The following NEGR1 variants were observed in gnomAD, a reference collection of about 807,000 sequenced individuals.
The protein encoded by NEGR1 is neuronal growth regulator 1, also known as IgLON family member 4.
NEGR1 carries 10 observed loss-of-function variants against 40.9 expected under a neutral mutation model. That is an observed-to-expected ratio of 0.24 (90% CI 0.15 to 0.42). The LOEUF (loss-of-function observed/expected upper bound fraction) is 0.42. Ranked by LOEUF, NEGR1 falls within the 10% of genes least tolerant of loss-of-function variation. The pLI is 1.00. For synonymous variants in NEGR1, 185 were observed against 166.8 expected (o/e 1.11, Z -0.84); for missense variants, 352 against 438.9 (o/e 0.80, Z 1.77).
intron 3 of NEGR1, among the ~76,000 whole-genome samples, chr1:71,762,522 AC>A (rs1655981485): frequency 6.6e-6 from 1 of 152,132 alleles, no homozygotes; most frequent in Non-Finnish European, 1.5e-5. Context: ...TTTGTTATAA[AC>A]AAAAACTGAA....
intron 3 of NEGR1, among the ~76,000 whole-genome samples, chr1:71,720,859 C>T (rs1654486450): frequency 6.6e-6 from 1 of 152,128 alleles, no homozygotes. Context: ...TCCTTGCTTC[C>T]TGTGGATTCT....
At position 72,250,820 on chromosome 1, in the gene NEGR1, G is replaced by A. The variant is rs147735103; in HGVS notation, c.176+31499C>T. The stretch of plus-strand genomic sequence containing the variant: ...AACCAAGAAGAATGTGATTTTCCCT[G>A]CCAGCAGCAATCCGCAATAGGGCTG... On this transcript the variant is annotated intron_variant, in intron 1 of 6. Coordinates refer to ENST00000357731, the MANE Select transcript of NEGR1 (RefSeq NM_173808.3). Among the ~76,000 whole-genome samples, 479 of 152,258 alleles carry A rather than the reference G, an allele frequency of 3.1e-3. 1 individual carries two copies. The highest frequency in any genetic ancestry group is 5.1e-3 in the Non-Finnish European group (347 of 68,008).
intron 1 of NEGR1, among the ~76,000 whole-genome samples, chr1:72,035,707 C>T (rs1646896280): frequency 6.6e-6 from 1 of 152,130 alleles, no homozygotes; most frequent in East Asian, 1.9e-4. Context: ...ATGAAAATCC[C>T]TATCATGAAT....
chr1:71,956,389 A>G (rs1165673884), intron 1 of NEGR1, among the ~76,000 whole-genome samples: 1 of 152,184 alleles, frequency 6.6e-6, no homozygotes, highest in Non-Finnish European at 1.5e-5. Flanking sequence ...TCAAACCAAG[A>G]GAACAATAAT....
chr1:71,786,453 A>G (rs1656910842), intron 2 of NEGR1, among the ~76,000 whole-genome samples: 2 of 152,166 alleles, frequency 1.3e-5, no homozygotes. Context: ...AGGTAGTTGG[A>G]TAAGTATTCA....
intron 1 of NEGR1, among the ~76,000 whole-genome samples, chr1:71,959,250 C>T (rs549938142): frequency 1.3e-4 from 20 of 152,200 alleles, no homozygotes; most frequent in Admixed American, 4.6e-4. Context: ...AATTCCAGAT[C>T]CTTGGAGACA....
rs961607433 is a variant in NEGR1, at chr1:71,407,247, T to C, written c.*199A>G. 11 of 464,820 alleles carry C rather than the reference T, an allele frequency of 2.4e-5. No homozygotes were observed. Among genetic ancestry groups the C allele is most frequent in the Non-Finnish European group, 3.9e-5 (10 of 255,718 alleles). 28.8% of individuals were successfully genotyped at this position (464,820 alleles called of 1,614,324 possible). On this transcript the variant is annotated 3_prime_UTR_variant, in exon 7 of 7. Transcript: ENST00000357731. ...GTCTTAAAAAAAGGACAATGTGTACTGCTTCACAAGGTAATGTAGCTAATC... is the reference window on the plus strand; with the variant it reads ...GTCTTAAAAAAAGGACAATGTGTACCGCTTCACAAGGTAATGTAGCTAATC...
At chr1:72,211,914 C>T (rs1343079972) in intron 1 of NEGR1, among the ~76,000 whole-genome samples, 2 of 151,638 alleles carry the variant, frequency 1.3e-5, no homozygotes, top group Non-Finnish European at 2.9e-5. Flanking sequence ...GCCTCCTTTA[C>T]AAAGGCTTTT....
At chr1:71,813,884 C>T (rs1658098925) in intron 2 of NEGR1, among the ~76,000 whole-genome samples, 1 of 151,998 alleles carries the variant, frequency 6.6e-6, no homozygotes, top group African/African-American at 2.4e-5. Flanking sequence ...CAAACAGAGA[C>T]CATTTGACTT....
chr1:71,444,113 C>A (rs957596396), intron 6 of NEGR1, among the ~76,000 whole-genome samples: 25 of 152,106 alleles, frequency 1.6e-4, no homozygotes, highest in African/African-American at 5.8e-4. Context: ...AGAGTAACAT[C>A]TTTTTCTATC....
rs17091687 is a variant in NEGR1 at position 71,727,910 on chromosome 1, A to G, written c.536-29771T>C. ...CAGTGGGGTGCGAAGCCTTGTAAGT[A>G]TGAAAAGTTAGGAAGCAACTGGAGA... On this transcript the variant is annotated intron_variant, in intron 3 of 6. Transcript: ENST00000357731. 7.5e-3 allele frequency among the ~76,000 whole-genome samples: 1,142 copies of G among 152,262 alleles called. 10 individuals are homozygous for G. Among genetic ancestry groups the G allele is most frequent in the African/African-American group, 0.026 (1,086 of 41,558 alleles).
chr1:71,424,587 C>T (rs1184180031), intron 6 of NEGR1, among the ~76,000 whole-genome samples: 2 of 152,070 alleles, frequency 1.3e-5, no homozygotes, highest in African/African-American at 4.8e-5. Flanking sequence ...GTGGGCCTAC[C>T]CCAGTTACAT....
intron 1 of NEGR1, among the ~76,000 whole-genome samples, chr1:71,967,556 G>C (rs1646220342): frequency 6.6e-6 from 1 of 152,060 alleles, no homozygotes; most frequent in South Asian, 2.1e-4. Flanking sequence ...AATTTTTATA[G>C]AGTTTTATCT....
At position 72,148,688 on chromosome 1, in the gene NEGR1, C is replaced by T. The variant is rs187916003; in HGVS notation, c.176+133631G>A. Among the ~76,000 whole-genome samples, 15 of 152,286 alleles carry T rather than the reference C, an allele frequency of 9.8e-5. No homozygotes were observed. The East Asian group carries it at 2.9e-3, about 29-fold the overall frequency. ...CCGCCAGATACCCTAAATCATCTCTCTCAAGTTAAAGTTTCCACAAATCTC... is the reference window on the plus strand; with the variant it reads ...CCGCCAGATACCCTAAATCATCTCTTTCAAGTTAAAGTTTCCACAAATCTC... On this transcript the variant is annotated intron_variant, in intron 1 of 6. Transcript: ENST00000357731.
chr1:72,249,780 A>G (rs1226103478), intron 1 of NEGR1, among the ~76,000 whole-genome samples: 2 of 152,188 alleles, frequency 1.3e-5, no homozygotes, highest in African/African-American at 4.8e-5. Flanking sequence ...AAGAACAGGG[A>G]AAGAAAAGGG....
intron 2 of NEGR1, among the ~76,000 whole-genome samples, chr1:71,851,972 G>A (rs1557677283): frequency 1.3e-5 from 2 of 152,078 alleles, no homozygotes; most frequent in Non-Finnish European, 2.9e-5. Context: ...CTATTTACAT[G>A]TGTATTCAGG....
chr1:71,694,161 T>C (rs1653393106), intron 4 of NEGR1, among the ~76,000 whole-genome samples: 4 of 151,658 alleles, frequency 2.6e-5, no homozygotes, highest in Admixed American at 6.6e-5. Flanking sequence ...GAACAGAACA[T>C]GAATGCAAAT....
intron 4 of NEGR1, among the ~76,000 whole-genome samples, chr1:71,638,973 G>A (rs534211319): frequency 6.6e-6 from 1 of 151,214 alleles, no homozygotes; most frequent in South Asian, 2.1e-4. Context: ...CCTATCACAA[G>A]GAGGAAGAAT....
At chr1:71,442,930 C>G (rs1646557563) in intron 6 of NEGR1, among the ~76,000 whole-genome samples, 1 of 152,198 alleles carries the variant, frequency 6.6e-6, no homozygotes, top group Admixed American at 6.5e-5. Context: ...TTTGCCCCCT[C>G]TGTTCTAGAC....
Sources: gnomAD v4.1 joint callset for allele counts (sites outside exome capture counted in the v4.1 genomes callset) on GRCh38, gnomAD v4.1.1 for gene constraint, MANE v1.5 for transcripts, NCBI Gene and HGNC (gene_info 2026-07-23, HGNC 2026-07-21) for gene names.